The following SDK1 variants were observed in gnomAD, a reference collection of about 807,000 sequenced individuals.
SDK1 encodes protein sidekick-1.
Under a neutral mutation model 245.5 loss-of-function variants are expected in SDK1, and 157 were observed. The observed-to-expected ratio is 0.64, with a 90% CI of 0.56 to 0.73. SDK1 has a LOEUF of 0.73. SDK1 is among the 30% of genes least tolerant of loss of function. The pLI is 0.00. For missense variants in SDK1, 3,583 were observed against 3,002.3 expected, an observed-to-expected ratio of 1.19 and a Z score of -4.52; for synonymous variants, 1,647 against 1,278.5, an observed-to-expected ratio of 1.29 and a Z score of -6.15.
intron 17 of SDK1, among the ~76,000 whole-genome samples, chr7:4,045,769 A>T (rs1788977221): frequency 6.6e-6 from 1 of 152,044 alleles, no homozygotes; most frequent in African/African-American, 2.4e-5. Context: ...GTGATGTTTG[A>T]GTCCTTCTAA....
At chr7:4,204,513 G>GA (rs1342040690) in intron 35 of SDK1, among the ~76,000 whole-genome samples, 2 of 152,010 alleles carry the variant, frequency 1.3e-5, no homozygotes, top group Non-Finnish European at 2.9e-5. Flanking sequence ...GCGCTGGGGG[G>GA]AGAGAGCAGA....
At chr7:4,016,443 A>C (rs1389153331) in intron 16 of SDK1, among the ~76,000 whole-genome samples, 1 of 152,246 alleles carries the variant, frequency 6.6e-6, no homozygotes, top group African/African-American at 2.4e-5. Flanking sequence ...TCATGGAGAA[A>C]CATATGCTAA....
chr7:4,127,019 A>G (rs937945706), intron 25 of SDK1, among the ~76,000 whole-genome samples: 15 of 152,154 alleles, frequency 9.9e-5, no homozygotes, highest in African/African-American at 1.2e-4. Flanking sequence ...CCTATCACAG[A>G]ATACCACATT....
rs991956507 is a variant in SDK1, at chr7:3,577,436, C to T, written c.299-41644C>T. Among the ~76,000 whole-genome samples, 26 of 151,906 alleles carry T rather than the reference C, an allele frequency of 1.7e-4. 1 individual carries two copies. Among genetic ancestry groups the T allele is most frequent in the Non-Finnish European group, 4.4e-5 (3 of 67,932 alleles). On this transcript the variant is annotated intron_variant, in intron 1 of 44. Coordinates refer to ENST00000404826, the MANE Select transcript of SDK1 (RefSeq NM_152744.4). ...ATGCAGGTCTTCACTGAGACGTGCT[C>T]CCTTTACTGTTGCCCCTGGACTTCA... is the stretch of plus-strand genomic sequence containing the variant.
intron 32 of SDK1, among the ~76,000 whole-genome samples, chr7:4,171,945 C>T (rs1241663365): frequency 6.6e-6 from 1 of 152,208 alleles, no homozygotes. Context: ...GCCCCCACCC[C>T]CAGACGACAG....
At chr7:3,719,376 G>C (rs6967060) in intron 4 of SDK1, among the ~76,000 whole-genome samples, 23,566 of 151,658 alleles carry the variant, frequency 0.16, 2,983 homozygotes, top group African/African-American at 0.35. Context: ...AGGAATCATT[G>C]TTTCCAGTGT....
chr7:3,920,334 T>C (rs1295251539), intron 5 of SDK1, among the ~76,000 whole-genome samples: 2 of 152,146 alleles, frequency 1.3e-5, no homozygotes, highest in Non-Finnish European at 2.9e-5. Context: ...GCAGGTGAGA[T>C]GTCATTAGGC....
intron 1 of SDK1, among the ~76,000 whole-genome samples, chr7:3,416,119 T>G (rs1779359087): frequency 6.6e-6 from 1 of 152,228 alleles, no homozygotes. Flanking sequence ...TTTTATGATT[T>G]CTCAGTAGAT....
At chr7:3,528,544 A>G (rs1296998484) in intron 1 of SDK1, among the ~76,000 whole-genome samples, 1 of 152,106 alleles carries the variant, frequency 6.6e-6, no homozygotes, top group Admixed American at 6.5e-5. Flanking sequence ...ATTTACAAAA[A>G]GATTACTCTC....
At chr7:3,413,899 G>A (rs1779285689) in intron 1 of SDK1, among the ~76,000 whole-genome samples, 1 of 152,136 alleles carries the variant, frequency 6.6e-6, no homozygotes, top group African/African-American at 2.4e-5. Context: ...CTTGAGCCCA[G>A]GAGTTCAAAG....
At chr7:3,509,793 G>A (rs1200886738) in intron 1 of SDK1, among the ~76,000 whole-genome samples, 1 of 152,204 alleles carries the variant, frequency 6.6e-6, no homozygotes. Flanking sequence ...ATGACAGAGA[G>A]AGCCCCCCAG....
chr7:3,867,740 C>G (rs1307488700), intron 5 of SDK1, among the ~76,000 whole-genome samples: 1 of 152,198 alleles, frequency 6.6e-6, no homozygotes, highest in East Asian at 1.9e-4. Flanking sequence ...AAGCACATCA[C>G]TTAAAATATG....
intron 1 of SDK1, among the ~76,000 whole-genome samples, chr7:3,353,730 C>T (rs1015720498): frequency 6.6e-6 from 1 of 152,120 alleles, no homozygotes; most frequent in African/African-American, 2.4e-5. Context: ...AAGGATGATA[C>T]AGTTCATGGT....
intron 5 of SDK1, among the ~76,000 whole-genome samples, chr7:3,948,089 T>C (rs1199823823): frequency 2.0e-5 from 3 of 152,180 alleles, no homozygotes; most frequent in African/African-American, 7.2e-5. Flanking sequence ...TTGAAATATC[T>C]GGATTCAGGT....
chr7:3,406,752 A>AT (rs1779065753), intron 1 of SDK1, among the ~76,000 whole-genome samples: 1 of 152,184 alleles, frequency 6.6e-6, no homozygotes. Flanking sequence ...AGCATGCACA[A>AT]TGTCCATGTA....
chr7:3,771,230 G>T (rs558646187), intron 4 of SDK1, among the ~76,000 whole-genome samples: 4 of 152,200 alleles, frequency 2.6e-5, no homozygotes, highest in East Asian at 3.9e-4. Flanking sequence ...CATGATGGTT[G>T]CAGGGATCCA....
At chr7:4,134,467 C>A (rs148735468) in intron 28 of SDK1, among the ~76,000 whole-genome samples, 2 of 152,196 alleles carry the variant, frequency 1.3e-5, no homozygotes, top group African/African-American at 4.8e-5. Context: ...GGAGCCCCAC[C>A]CAGGCAGGCC....
chr7:3,384,584 C>A (rs59679657), intron 1 of SDK1, among the ~76,000 whole-genome samples: 4 of 125,726 alleles, frequency 3.2e-5, no homozygotes, highest in African/African-American at 1.0e-4. Flanking sequence ...TGTTTTACAT[C>A]ATACCCTCGA....
At chr7:4,030,080 C>G (rs1787676960) in intron 17 of SDK1, among the ~76,000 whole-genome samples, 1 of 152,152 alleles carries the variant, frequency 6.6e-6, no homozygotes, top group Non-Finnish European at 1.5e-5. Context: ...ACCATACAAC[C>G]CTGTACTGGC....
Sources: allele counts gnomAD v4.1 joint callset (sites outside exome capture counted in the v4.1 genomes callset), GRCh38; gene constraint gnomAD v4.1.1; transcripts MANE v1.5; gene names NCBI Gene and HGNC (gene_info 2026-07-23, HGNC 2026-07-21).